The following CCDC136 variants were observed in gnomAD, a reference collection of about 807,000 sequenced individuals.
CCDC136 encodes coiled-coil domain-containing protein 136.
In CCDC136, 100 loss-of-function variants were observed where a neutral mutation model predicts 141.2. That is an observed-to-expected ratio of 0.71 (90% CI 0.60 to 0.84). The LOEUF is 0.84. Among genes scored for constraint, CCDC136 ranks in the 40% least tolerant of loss-of-function variants. The probability of loss-of-function intolerance (pLI) is 0.00; values close to 1 mark genes in which losing one functional copy is unlikely to be tolerated. For missense variants in CCDC136, 1,206 were observed against 1,379.4 expected (o/e 0.87, Z 1.99); for synonymous variants, 474 against 531.9 (o/e 0.89, Z 1.50).
At position 128,811,976 on chromosome 7, in the gene CCDC136, T is replaced by C. The variant is rs770253788; in HGVS notation, c.2205T>C (p.Pro735=). Residue 735 remains proline (P), a synonymous_variant, in exon 13 of 18, where the codon CCT becomes CCC. Transcript: ENST00000297788. ...TGCAGCTGCTTCAAGTCCAGTCCCC[T>C]TCTATAAAAATGAGCCTTGAGTCCT... ...EEMQLLQVQS[P]SIKMSLESYG... The C allele has an allele frequency of 6.2e-7, 1 of 1,613,984 alleles. No homozygotes were observed.
chr7:128,806,690 G>A lies in CCDC136; in HGVS notation c.1251G>A (p.Glu417=). 6.2e-7 allele frequency: 1 copy of A among 1,609,680 alleles called. No homozygotes were observed. The change falls in exon 9 of 18, where the codon GAG becomes GAA. Residue 417 remains glutamate, a splice_region_variant and synonymous_variant. Coordinates refer to ENST00000297788, the MANE Select transcript of CCDC136 (RefSeq NM_022742.5). ...STLVENQSEK[E]LLCRLQKLHL... is the part of the protein sequence containing the mutation. ...GCCCAAAGCCCCCTCTACCATAGGA[G>A]TTACTGTGCCGGCTGCAGAAGCTGC... is the stretch of plus-strand genomic sequence containing the variant.
At chr7:128,804,796 G>A (rs1310309675) in intron 5 of CCDC136, 35 bp downstream of exon 5, 2 of 1,352,950 alleles carry the variant, frequency 1.5e-6, no homozygotes, top group Admixed American at 1.9e-5. Context: ...AGGTCATGGG[G>A]TTCCACAGGA....
chr7:128,803,510 G>A (rs1001429642), intron 4 of CCDC136, among the ~76,000 whole-genome samples: 2 of 152,112 alleles, frequency 1.3e-5, no homozygotes, highest in Non-Finnish European at 1.5e-5. Context: ...AAATTAGCCA[G>A]GCTTGGTGGT....
At chr7:128,814,007 TC>T in intron 14 of CCDC136, among the ~76,000 whole-genome samples, 1 of 151,828 alleles carries the variant, frequency 6.6e-6, no homozygotes, top group East Asian at 1.9e-4. Context: ...ATATAATAAA[TC>T]CCTGAGGTTC....
Position 128,809,431 on chromosome 7 carries a change from C to A in CCDC136, c.1606-19C>A. On this transcript the variant is annotated intron_variant, in intron 10 of 17. Coordinates refer to ENST00000297788, the MANE Select transcript of CCDC136 (RefSeq NM_022742.5). ...CCTTACAGAGTAACCACCCCCTCCA[C>A]ACCCGCCCCCACCCACAGTGTGACA... The A allele has an allele frequency of 1.4e-6, 2 of 1,419,964 alleles. No individual in the cohort carries two copies. Among genetic ancestry groups the A allele is most frequent in the Non-Finnish European group, 1.9e-6 (2 of 1,036,250 alleles). The allele number at this position is 1,419,964 out of a possible 1,614,324, so 88.0% of individuals were successfully genotyped here.
Position 128,817,802 on chromosome 7 carries a change from A to AG in CCDC136, c.3410dup (p.Leu1138ProfsTer14). 1 of 1,613,370 alleles carries AG rather than the reference A, an allele frequency of 6.2e-7. No homozygotes were observed. The highest frequency in any genetic ancestry group is 8.5e-7 in the Non-Finnish European group (1 of 1,179,794). ...CCCCCATCTTCTCCTTGCCTCTTGT[A>AG]GGCCTGGTGGTCATCTCGGCTTTGC... is the stretch of plus-strand genomic sequence containing the variant. On this transcript the variant is annotated frameshift_variant, in exon 17 of 18. Coordinates refer to ENST00000297788, the MANE Select transcript of CCDC136 (RefSeq NM_022742.5). LOFTEE classifies it high-confidence loss of function. The surrounding 1 kb of genome is among the most constrained non-coding windows in gnomAD (Gnocchi z 4.6).
rs1802696516 is a variant in CCDC136 at position 128,794,753 on chromosome 7, A to C, written c.331A>C (p.Ile111Leu). ...AQQAEVFTKQIQQLQGELRSL... is the reference protein window; with the variant it reads ...AQQAEVFTKQLQQLQGELRSL... The stretch of plus-strand genomic sequence containing the variant: ...GCAGGCAGAGGTGTTCACCAAGCAG[A>C]TCCAGCAGCTCCAAGGTAATTCCCA... Residue 111 changes from isoleucine to leucine, a missense_variant, in exon 3 of 18, where the codon ATC becomes CTC. Coordinates refer to ENST00000297788, the MANE Select transcript of CCDC136 (RefSeq NM_022742.5). This position sits in a 1 kb window ranked among gnomAD's most constrained non-coding sequence, Gnocchi z 4.3. The C allele has an allele frequency of 1.3e-6, 2 of 1,551,708 alleles. No homozygotes were observed. Among genetic ancestry groups the C allele is most frequent in the East Asian group, 2.4e-5 (1 of 40,918 alleles).
In CCDC136 at chr7:128,805,322, C is replaced by G. The variant is rs773881390; in HGVS notation, c.783-37C>G. ...GCATGGCTGGTGATGCCAGGCAGAA[C>G]TCCCTTCAAGCATAGCTCTGCGGTT... On this transcript the variant is annotated intron_variant, in intron 5 of 17. Coordinates refer to ENST00000297788, the MANE Select transcript of CCDC136 (RefSeq NM_022742.5). This position sits in a 1 kb window ranked among gnomAD's most constrained non-coding sequence, Gnocchi z 4.6. 1.9e-5 allele frequency: 31 copies of G among 1,603,936 alleles called. No homozygotes were observed. In the Admixed American group the frequency reaches 4.7e-4, roughly 24 times the overall value.
intron 3 of CCDC136, among the ~76,000 whole-genome samples, chr7:128,797,207 C>A (rs1803171513): frequency 6.6e-6 from 1 of 152,134 alleles, no homozygotes; most frequent in Non-Finnish European, 1.5e-5. Context: ...CTAGGGGAGC[C>A]ATTTAAAACA....
chr7:128,812,205 A>G lies in CCDC136; in HGVS notation c.2434A>G (p.Ile812Val), dbSNP rs376400216. ...TTACTGCACTACCAGCAACAGCAGC[A>G]TTACCTATAAGAAGAGTTACGGCAG... ...KSYCTTSNSS[I>V]TYKKSYGSTS... The change falls in exon 13 of 18, where the codon ATT becomes GTT. Residue 812 changes from isoleucine (I) to valine (V), a missense_variant. Transcript: ENST00000297788. 42 of 1,613,890 alleles carry G rather than the reference A, an allele frequency of 2.6e-5. No individual in the cohort carries two copies. The highest frequency in any genetic ancestry group is 3.4e-5 in the Non-Finnish European group (40 of 1,179,898).
chr7:128,817,523 A>G lies in CCDC136; in HGVS notation c.3364-235A>G, dbSNP rs1806818236. ...TGGACTCACCGCCTGACTTGGACCT[A>G]GCTGCTGCTTAACCCATTCAATTTT... is the stretch of plus-strand genomic sequence containing the variant. On this transcript the variant is annotated intron_variant, in intron 16 of 17. Coordinates refer to ENST00000297788, the MANE Select transcript of CCDC136 (RefSeq NM_022742.5). The surrounding 1 kb of genome is among the most constrained non-coding windows in gnomAD (Gnocchi z 4.6). Among the ~76,000 whole-genome samples, 1 of 152,164 alleles carries G rather than the reference A, an allele frequency of 6.6e-6. No homozygotes were observed. Among genetic ancestry groups the G allele is most frequent in the Non-Finnish European group, 1.5e-5 (1 of 68,034 alleles).
rs1409178730 is a variant in CCDC136, at chr7:128,805,995, G to T, written c.1089+94G>T. The T allele has an allele frequency of 8.3e-6, 12 of 1,449,864 alleles. No homozygotes were observed. The highest frequency in any genetic ancestry group is 1.1e-5 in the Non-Finnish European group (12 of 1,048,314). The allele number at this position is 1,449,864 out of a possible 1,614,324, so 89.8% of individuals were successfully genotyped here. A position where few individuals can be genotyped will look rare whatever the true frequency, so the allele number is the denominator to read the frequency against. On this transcript the variant is annotated intron_variant, in intron 7 of 17. Transcript: ENST00000297788. This position sits in a 1 kb window ranked among gnomAD's most constrained non-coding sequence, Gnocchi z 4.6. ...GGGTGGGCACAGTGAGTATGGCTGT[G>T]CTCTGCTGACTCTTGCCCTGCAACT...
intron 12 of CCDC136, among the ~76,000 whole-genome samples, chr7:128,810,887 C>G (rs1562926580): frequency 1.3e-5 from 2 of 152,206 alleles, no homozygotes; most frequent in Admixed American, 1.3e-4. Flanking sequence ...ACTGACCACA[C>G]TATCTTCATT....
At position 128,806,357 on chromosome 7, in the gene CCDC136, G is replaced by C; in HGVS notation, c.1210G>C (p.Val404Leu). Reference protein sequence around the residue: ...QLQTELRQLKVMKSTLVENQS... With the variant: ...QLQTELRQLKLMKSTLVENQS... ...TCAGACTGAGCTCCGGCAGCTCAAAGTCATGAAATCCACACTTGTAGAAAA... is the reference window on the plus strand; with the variant it reads ...TCAGACTGAGCTCCGGCAGCTCAAACTCATGAAATCCACACTTGTAGAAAA... Residue 404 changes from valine (V) to leucine (L), a missense_variant, in exon 8 of 18, where the codon GTC (valine) becomes CTC (leucine). By Grantham distance (32) the Val-to-Leu change is conservative. Coordinates refer to ENST00000297788, the MANE Select transcript of CCDC136 (RefSeq NM_022742.5). 1.2e-6 allele frequency: 2 copies of C among 1,604,922 alleles called. No individual in the cohort carries two copies. The highest frequency in any genetic ancestry group is 1.7e-6 in the Non-Finnish European group (2 of 1,175,678).
intron 14 of CCDC136, among the ~76,000 whole-genome samples, chr7:128,814,273 A>T (rs543856082): frequency 6.6e-6 from 1 of 152,118 alleles, no homozygotes; most frequent in East Asian, 1.9e-4. Flanking sequence ...TTTAGTAGAC[A>T]TGGGGTTTCA....
chr7:128,821,701 G>A lies in CCDC136; in HGVS notation c.*6-98G>A. The A allele has an allele frequency of 1.1e-6, 1 of 915,460 alleles. No individual in the cohort carries two copies. Among genetic ancestry groups the A allele is most frequent in the South Asian group, 1.4e-5 (1 of 69,928 alleles). 56.7% of individuals were successfully genotyped at this position (915,460 alleles called of 1,614,324 possible). Reference sequence around the variant, plus strand: ...GAGGTAACAGAGACTGATCCACAATGTTCCTGAGGTGTCTTGGGCACCCAT... The same window carrying A: ...GAGGTAACAGAGACTGATCCACAATATTCCTGAGGTGTCTTGGGCACCCAT... On this transcript the variant is annotated intron_variant, in intron 17 of 17. Transcript: ENST00000297788. This position sits in a 1 kb window ranked among gnomAD's most constrained non-coding sequence, Gnocchi z 5.1.
chr7:128,815,947 G>T lies in CCDC136; in HGVS notation c.3363+16G>T. On this transcript the variant is annotated intron_variant, in intron 16 of 17. Transcript: ENST00000297788. The stretch of plus-strand genomic sequence containing the variant: ...GAGCAAAAAGGTAACCAGAGCCAAA[G>T]CCTAGATCAAGTGGGAAGTGGGGTC... 6.3e-7 allele frequency: 1 copy of T among 1,596,818 alleles called. No homozygotes were observed. Among genetic ancestry groups the T allele is most frequent in the African/African-American group, 1.4e-5 (1 of 73,964 alleles).
rs553655743 is a variant in CCDC136, at chr7:128,812,091, A to G, written c.2320A>G (p.Lys774Glu). 1.2e-6 allele frequency: 2 copies of G among 1,614,032 alleles called. No individual in the cohort carries two copies. The highest frequency in any genetic ancestry group is 2.2e-5 in the East Asian group (1 of 44,886). The change falls in exon 13 of 18, where the codon AAG becomes GAG. Residue 774 changes from lysine (K) to glutamate (E), a missense_variant. Transcript: ENST00000297788. ...TTVDDNESYY[K>E]SYTSTQTSSK... ...TGTGGATGACAATGAGAGCTATTAC[A>G]AGAGTTACACCAGCACCCAGACCAG... is the stretch of plus-strand genomic sequence containing the variant.
rs1393519682 is a variant in CCDC136 at position 128,817,775 on chromosome 7, T to A, written c.3381T>A (p.Asn1127Lys). 11 of 1,612,936 alleles carry A rather than the reference T, an allele frequency of 6.8e-6. No homozygotes were observed. In the African/African-American group the frequency reaches 9.4e-5, roughly 14 times the overall value. ...TGTTGCAGTCATCCCCTACCCCCAA[T>A]CCCCCCATCTTCTCCTTGCCTCTTG... ...SESKKSSPTP[N>K]PPIFSLPLVG... Residue 1127 changes from asparagine (N) to lysine (K), a missense_variant, in exon 17 of 18, where the codon AAT (asparagine) becomes AAA (lysine). By Grantham distance (94) the Asn-to-Lys change is moderately conservative. Transcript: ENST00000297788. The surrounding 1 kb of genome is among the most constrained non-coding windows in gnomAD (Gnocchi z 4.6).
Sources: allele counts gnomAD v4.1 joint callset (sites outside exome capture counted in the v4.1 genomes callset), GRCh38; gene constraint gnomAD v4.1.1; non-coding constraint Gnocchi (gnomAD v3.1); transcripts MANE v1.5; gene names NCBI Gene and HGNC (gene_info 2026-07-23, HGNC 2026-07-21).